Variants in FANCL observed in about 807,000 individuals in gnomAD.
FANCL encodes the protein E3 ubiquitin-protein ligase FANCL.
FANCL carries 69 observed loss-of-function variants against 59.4 expected under a neutral mutation model. The observed-to-expected ratio is 1.16, with a 90% CI of 0.96 to 1.42. The LOEUF is 1.42. Among genes scored for constraint, FANCL ranks in the 40% most tolerant of loss-of-function variants. The pLI, the probability that FANCL is intolerant of heterozygous loss-of-function variation, is 0.00. For synonymous variants in FANCL, 180 were observed against 147.1 expected, an observed-to-expected ratio of 1.22 and a Z score of -1.62; for missense variants, 519 against 447.2, an observed-to-expected ratio of 1.16 and a Z score of -1.45.
Position 58,224,430 on chromosome 2 carries a change from T to G in FANCL, c.273+2298A>C, listed in dbSNP as rs570828910. On this transcript the variant is annotated intron_variant, in intron 4 of 13. Transcript: ENST00000233741. ...TGTAATCAAGTTTGATAACCCTTAT[T>G]AATTAGGATTTATGAACTCATAAAT... 2.9e-4 allele frequency among the ~76,000 whole-genome samples: 44 copies of G among 151,996 alleles called. No individual in the cohort carries two copies. In the South Asian group the frequency reaches 6.6e-3, roughly 23 times the overall value.
At chr2:58,222,446 C>A (rs1200326790) in intron 4 of FANCL, among the ~76,000 whole-genome samples, 1 of 151,988 alleles carries the variant, frequency 6.6e-6, no homozygotes, top group Non-Finnish European at 1.5e-5. Context: ...AGTACATTAC[C>A]TAAACTGACA....
Position 58,200,108 on chromosome 2 carries a change from A to C in FANCL, c.472-1446T>G, listed in dbSNP as rs181559297. Among the ~76,000 whole-genome samples the C allele has an allele frequency of 2.1e-3, 324 of 152,014 alleles. 1 individual carries two copies. The highest frequency in any genetic ancestry group is 3.3e-3 in the Admixed American group (50 of 15,280). On this transcript the variant is annotated intron_variant, in intron 6 of 13. Transcript: ENST00000233741. ...ATTCCAGTGGTCTACTTCTGGAAAA[A>C]AAAAAAAAGAAAAAAATATCATGCT...
chr2:58,241,082 C>T, intron 1 of FANCL, 136 bp downstream of exon 1: 1 of 888,074 alleles, frequency 1.1e-6, no homozygotes, highest in Non-Finnish European at 1.8e-6. Context: ...CCTTTAGTCT[C>T]CCAAGAGCCG....
chr2:58,214,908 CA>C (rs1691555703), intron 5 of FANCL, among the ~76,000 whole-genome samples: 1 of 152,058 alleles, frequency 6.6e-6, no homozygotes, highest in African/African-American at 2.4e-5. Flanking sequence ...ATGAGTGATT[CA>C]AAAATCTCAT....
chr2:58,198,755 C>T lies in FANCL; in HGVS notation c.472-93G>A, dbSNP rs1352208875. On this transcript the variant is annotated intron_variant, in intron 6 of 13. Coordinates refer to ENST00000233741, the MANE Select transcript of FANCL (RefSeq NM_018062.4). ...AAAACTAGATGTATTAGGGGCCGGG[C>T]GCGGTGGCTCACGCCTGTAATCCCA... 7.2e-6 allele frequency: 7 copies of T among 972,950 alleles called. No individual in the cohort carries two copies. The Admixed American group carries it at 7.6e-5, about 11-fold the overall frequency. 60.3% of individuals were successfully genotyped at this position (972,950 alleles called of 1,614,324 possible). A position where few individuals can be genotyped will look rare whatever the true frequency, so the allele number is the denominator to read the frequency against.
Position 58,165,766 on chromosome 2 carries a change from C to G in FANCL, c.649G>C (p.Glu217Gln), listed in dbSNP as rs142110072. The G allele has an allele frequency of 1.4e-4, 219 of 1,613,988 alleles. 2 individuals carry two copies. Among genetic ancestry groups the G allele is most frequent in the Non-Finnish European group, 1.8e-4 (212 of 1,179,992 alleles). ...GCTGTTGCACTCCGTGGAGGTTTTT[C>G]TGGCTCAAGTACCCAGGTCTTCTCA... The part of the protein sequence containing the change: ...IDEKTWVLEP[E>Q]KPPRSATARR... Residue 217 changes from glutamate to glutamine, a missense_variant, in exon 8 of 14, where the codon GAA becomes CAA. By Grantham distance (29) the Glu-to-Gln change is conservative. Transcript: ENST00000233741.
chr2:58,210,711 C>G (rs562878747), intron 5 of FANCL, among the ~76,000 whole-genome samples: 6 of 152,216 alleles, frequency 3.9e-5, no homozygotes, highest in African/African-American at 1.4e-4. Context: ...TATAGGCATT[C>G]GATAAATACA....
At chr2:58,192,282 G>A (rs1011207544) in intron 7 of FANCL, among the ~76,000 whole-genome samples, 1 of 151,852 alleles carries the variant, frequency 6.6e-6, no homozygotes, top group Admixed American at 6.6e-5. Context: ...GAAATCAACT[G>A]AAACTATAGC....
At chr2:58,235,100 T>C (rs1451194201) in intron 1 of FANCL, among the ~76,000 whole-genome samples, 3 of 151,684 alleles carry the variant, frequency 2.0e-5, no homozygotes, top group Non-Finnish European at 2.9e-5. Flanking sequence ...AGAAGAAACA[T>C]GTGATCAAGG....
chr2:58,221,779 A>G (rs1692502756), intron 5 of FANCL, among the ~76,000 whole-genome samples, 163 bp downstream of exon 5: 1 of 152,206 alleles, frequency 6.6e-6, no homozygotes, highest in African/African-American at 2.4e-5. Flanking sequence ...ATTTTTTATG[A>G]TGATATCCCT....
chr2:58,213,333 C>G (rs941773286), intron 5 of FANCL, among the ~76,000 whole-genome samples: 4 of 152,170 alleles, frequency 2.6e-5, no homozygotes, highest in South Asian at 2.1e-4. Context: ...AGCTTTAGAT[C>G]AGCAGGTCCT....
chr2:58,160,059 T>TA (rs1684882119), intron 13 of FANCL, 49 bp downstream of exon 13: 1 of 1,607,812 alleles, frequency 6.2e-7, no homozygotes, highest in African/African-American at 1.3e-5. Context: ...TAGAACATAT[T>TA]ACTGAAAGCT....
At position 58,221,947 on chromosome 2, in the gene FANCL, C is replaced by A; in HGVS notation, c.369G>T (p.Trp123Cys). The change falls in exon 5 of 14, where the codon TGG becomes TGT. Residue 123 changes from tryptophan to cysteine, a missense_variant. Trp to Cys is a radical substitution (Grantham distance 215). Coordinates refer to ENST00000233741, the MANE Select transcript of FANCL (RefSeq NM_018062.4). ...ATATTTTAAAACAGACATACTTATC[C>A]CAACCAAGAGTTCCTATCTCTTCAA... Reference protein sequence around the residue: ...SLIEEIGTLGWDKLVYADTCF... With the variant: ...SLIEEIGTLGCDKLVYADTCF... 1 of 1,605,288 alleles carries A rather than the reference C, an allele frequency of 6.2e-7. No individual in the cohort carries two copies. The highest frequency in any genetic ancestry group is 8.5e-7 in the Non-Finnish European group (1 of 1,172,268).
Position 58,241,270 on chromosome 2 carries a change from A to C in FANCL, c.44T>G (p.Leu15Arg). The C allele has an allele frequency of 6.2e-7, 1 of 1,614,264 alleles. No individual in the cohort carries two copies. Among genetic ancestry groups the C allele is most frequent in the Non-Finnish European group, 8.5e-7 (1 of 1,180,036 alleles). Residue 15 changes from leucine to arginine, a missense_variant, in exon 1 of 14, where the codon CTT becomes CGT. By Grantham distance (102) the Leu-to-Arg change is moderately radical. Coordinates refer to ENST00000233741, the MANE Select transcript of FANCL (RefSeq NM_018062.4). ...EASLLRQCPL[L>R]LPQNRSKTVY... Reference sequence around the variant, plus strand: ...GGTTTTCGACCGGTTCTGGGGCAGAAGCAGGGGGCACTGGCGCAACAGGCT... The same window carrying C: ...GGTTTTCGACCGGTTCTGGGGCAGACGCAGGGGGCACTGGCGCAACAGGCT...
intron 2 of FANCL, among the ~76,000 whole-genome samples, chr2:58,230,912 A>G (rs552585760): frequency 6.6e-6 from 1 of 152,328 alleles, no homozygotes; most frequent in African/African-American, 2.4e-5. Flanking sequence ...TCTTGAATGC[A>G]TACCATTCTC....
chr2:58,219,171 A>AAAAAAATATATACAT (rs1558810201), intron 5 of FANCL, among the ~76,000 whole-genome samples: 2 of 19,262 alleles, frequency 1.0e-4, no homozygotes, highest in Non-Finnish European at 1.8e-4. Context: ...AAAAAAAAAA[A>AAAAAAATATATACAT]ATATATATAT....
chr2:58,239,979 T>C (rs1319203739), intron 1 of FANCL, among the ~76,000 whole-genome samples: 1 of 152,216 alleles, frequency 6.6e-6, no homozygotes, highest in African/African-American at 2.4e-5. Context: ...ATTCTAGCTA[T>C]AGCAATGGTC....
intron 7 of FANCL, among the ~76,000 whole-genome samples, chr2:58,188,432 GT>G (rs1297142900): frequency 2.6e-5 from 4 of 151,454 alleles, no homozygotes; most frequent in East Asian, 1.9e-4. Flanking sequence ...TAATTTCGGG[GT>G]TTTTTTGTTT....
chr2:58,161,500 T>A (rs1685158564), intron 12 of FANCL, 22 bp downstream of exon 12: 1 of 1,449,076 alleles, frequency 6.9e-7, no homozygotes, highest in African/African-American at 1.4e-5. Flanking sequence ...AAAAAAGTCT[T>A]GACAATATTT....
Sources: gnomAD v4.1 joint callset for allele counts (sites outside exome capture counted in the v4.1 genomes callset) on GRCh38, gnomAD v4.1.1 for gene constraint, MANE v1.5 for transcripts, NCBI Gene and HGNC (gene_info 2026-07-23, HGNC 2026-07-21) for gene names.